SH3BGRL2: variants seen among roughly 807,000 people sequenced by gnomAD.
SH3BGRL2 encodes SH3 domain-binding glutamic acid-rich-like protein 2.
A neutral mutation model predicts 14.8 loss-of-function variants in SH3BGRL2; 21 were observed. The observed-to-expected ratio is 1.42, with a 90% CI of 1.01 to 2.05. The LOEUF (loss-of-function observed/expected upper bound fraction) is 2.05. Ranked by LOEUF, SH3BGRL2 falls within the 30% of genes most tolerant of loss-of-function variation. SH3BGRL2 has a pLI of 0.00. For synonymous variants in SH3BGRL2, 50 were observed against 47.8 expected, an observed-to-expected ratio of 1.05 and a Z score of -0.19; for missense variants, 147 against 130.8, an observed-to-expected ratio of 1.12 and a Z score of -0.61.
chr6:79,581,719 A>G, the SH3BGRL2 span, among the ~76,000 whole-genome samples: 15 of 152,324 alleles, frequency 9.8e-5, no homozygotes, highest in East Asian at 2.5e-3. Context: ...ATTCCCTTTG[A>G]AAACCGGCAC....
chr6:79,688,211 AC>A (rs1200629420), intron 2 of SH3BGRL2, among the ~76,000 whole-genome samples: 44 of 151,162 alleles, frequency 2.9e-4, no homozygotes, highest in African/African-American at 9.8e-4. Context: ...AAAAAAAAAA[AC>A]AAAAACAAAA....
At chr6:79,698,624 A>C (rs1432928886) in intron 3 of SH3BGRL2, among the ~76,000 whole-genome samples, 1 of 152,108 alleles carries the variant, frequency 6.6e-6, no homozygotes, top group Non-Finnish European at 1.5e-5. Flanking sequence ...TGGGAGGGGC[A>C]AAGGTAGGTT....
chr6:79,667,736 C>G (rs923581380), intron 1 of SH3BGRL2, among the ~76,000 whole-genome samples: 1 of 152,138 alleles, frequency 6.6e-6, no homozygotes, highest in Non-Finnish European at 1.5e-5. Flanking sequence ...CGTGAGCCAC[C>G]GCTCCTGGCC....
intron 2 of SH3BGRL2, among the ~76,000 whole-genome samples, chr6:79,694,030 G>C (rs1289582607): frequency 6.6e-6 from 1 of 152,182 alleles, no homozygotes; most frequent in East Asian, 1.9e-4. Flanking sequence ...CTAGTTTGTG[G>C]AGTGGAAGAT....
chr6:79,660,158 T>C (rs1452520332), intron 1 of SH3BGRL2, among the ~76,000 whole-genome samples: 10 of 152,146 alleles, frequency 6.6e-5, no homozygotes, highest in Non-Finnish European at 1.2e-4. Flanking sequence ...TTGTCCTGGC[T>C]AGAACTTCCA....
chr6:79,639,111 A>G (rs555320317), intron 1 of SH3BGRL2, among the ~76,000 whole-genome samples: 122 of 152,340 alleles, frequency 8.0e-4, no homozygotes, highest in African/African-American at 2.8e-3. Context: ...TAACTAAACA[A>G]TATTTCTTCC....
At chr6:79,559,350 G>A in the SH3BGRL2 span, among the ~76,000 whole-genome samples, 1 of 152,070 alleles carries the variant, frequency 6.6e-6, no homozygotes, top group South Asian at 2.1e-4. Flanking sequence ...GGTGAGACAG[G>A]TGGATATTTT....
chr6:79,658,051 C>A (rs1769460313), intron 1 of SH3BGRL2, among the ~76,000 whole-genome samples: 1 of 152,104 alleles, frequency 6.6e-6, no homozygotes, highest in Admixed American at 6.6e-5. Context: ...TTGATCGGTT[C>A]TAAAATATTC....
At chr6:79,613,808 A>C in the SH3BGRL2 span, among the ~76,000 whole-genome samples, 6 of 152,128 alleles carry the variant, frequency 3.9e-5, no homozygotes, top group Non-Finnish European at 5.9e-5. Flanking sequence ...GGGTTTCACC[A>C]TGTTGGCCAG....
At chr6:79,660,114 A>G (rs1413574846) in intron 1 of SH3BGRL2, among the ~76,000 whole-genome samples, 1 of 152,172 alleles carries the variant, frequency 6.6e-6, no homozygotes, top group Non-Finnish European at 1.5e-5. Context: ...CTCTTTTCCT[A>G]ATTGAATACC....
At chr6:79,563,533 C>A in the SH3BGRL2 span, among the ~76,000 whole-genome samples, 1 of 152,086 alleles carries the variant, frequency 6.6e-6, no homozygotes, top group Non-Finnish European at 1.5e-5. Flanking sequence ...CAAGCAGAGA[C>A]TAGAAAAGTG....
In SH3BGRL2 at chr6:79,631,456, G is replaced by A. The variant is rs1023870774; in HGVS notation, c.-6G>A. On this transcript the variant is annotated 5_prime_UTR_variant, in exon 1 of 4. Coordinates refer to ENST00000369838, the MANE Select transcript of SH3BGRL2 (RefSeq NM_031469.4). ...GCAAGGGGTCTGTCCCGGGCGCAGC[G>A]AGAGGATGGTCATCCGCGTGTTCAT... The A allele has an allele frequency of 2.0e-6, 3 of 1,519,538 alleles. No individual in the cohort carries two copies. The highest frequency in any genetic ancestry group is 2.1e-5 in the Admixed American group (1 of 48,136). 94.1% of individuals were successfully genotyped at this position (1,519,538 alleles called of 1,614,324 possible).
At chr6:79,671,538 C>T (rs189859010) in intron 1 of SH3BGRL2, among the ~76,000 whole-genome samples, 1 of 152,282 alleles carries the variant, frequency 6.6e-6, no homozygotes, top group African/African-American at 2.4e-5. Flanking sequence ...TAGGAAATTC[C>T]TTTTGATATT....
the SH3BGRL2 span, among the ~76,000 whole-genome samples, chr6:79,578,224 G>T: frequency 6.6e-6 from 1 of 152,242 alleles, no homozygotes; most frequent in Non-Finnish European, 1.5e-5. Flanking sequence ...GACAACTTCT[G>T]CAGACTTAAA....
At chr6:79,550,473 T>G in the SH3BGRL2 span, among the ~76,000 whole-genome samples, 1 of 152,144 alleles carries the variant, frequency 6.6e-6, no homozygotes, top group African/African-American at 2.4e-5. Context: ...CCTTTTTTCC[T>G]CTTATTTATC....
At chr6:79,683,715 G>A (rs1443402669) in intron 2 of SH3BGRL2, among the ~76,000 whole-genome samples, 3 of 152,144 alleles carry the variant, frequency 2.0e-5, no homozygotes, top group Admixed American at 6.5e-5. Context: ...CCAAAGTGCT[G>A]GGATTACAGG....
At chr6:79,614,590 T>C in the SH3BGRL2 span, among the ~76,000 whole-genome samples, 1 of 152,052 alleles carries the variant, frequency 6.6e-6, no homozygotes, top group South Asian at 2.1e-4. Flanking sequence ...ACATGACAGA[T>C]GTAGAATCAT....
At chr6:79,633,579 A>G (rs980160435) in intron 1 of SH3BGRL2, among the ~76,000 whole-genome samples, 3 of 152,206 alleles carry the variant, frequency 2.0e-5, no homozygotes, top group Non-Finnish European at 4.4e-5. Flanking sequence ...GTTAGAAGAC[A>G]TACACAGTTA....
the SH3BGRL2 span, among the ~76,000 whole-genome samples, chr6:79,605,587 T>A: frequency 2.0e-5 from 3 of 152,256 alleles, no homozygotes; most frequent in African/African-American, 7.2e-5. Flanking sequence ...ATCTGGAGAA[T>A]GAATTCAATG....
Sources: gnomAD v4.1 joint callset for allele counts (sites outside exome capture counted in the v4.1 genomes callset) on GRCh38, gnomAD v4.1.1 for gene constraint, MANE v1.5 for transcripts, NCBI Gene and HGNC (gene_info 2026-07-23, HGNC 2026-07-21) for gene names.